FBN2: variants seen among roughly 807,000 people sequenced by gnomAD.
FBN2 encodes the protein fibrillin-2.
Under a neutral mutation model 355.6 loss-of-function variants are expected in FBN2, and 105 were observed. The ratio of observed to expected loss-of-function variants is 0.30; its 90% CI spans 0.25 to 0.35. The LOEUF (loss-of-function observed/expected upper bound fraction) is 0.35. Among genes scored for constraint, FBN2 ranks in the 10% least tolerant of loss-of-function variants. The probability of loss-of-function intolerance (pLI) is 1.00; values close to 1 mark genes in which losing one functional copy is unlikely to be tolerated. For missense variants in FBN2, 3,280 were observed against 3,758.7 expected (o/e 0.87, Z 3.33); for synonymous variants, 1,350 against 1,301.2 (o/e 1.04, Z -0.81).
At chr5:128,424,248 T>C (rs994253842) in intron 7 of FBN2, among the ~76,000 whole-genome samples, 2 of 152,110 alleles carry the variant, frequency 1.3e-5, no homozygotes, top group East Asian at 1.9e-4. Context: ...TTCAGTAAGA[T>C]AAAAAATGCA....
chr5:128,493,387 G>A (rs1388586828), intron 5 of FBN2, among the ~76,000 whole-genome samples: 1 of 152,102 alleles, frequency 6.6e-6, no homozygotes, highest in Non-Finnish European at 1.5e-5. Context: ...TTATGAGAGA[G>A]AAAAGATAAT....
chr5:128,441,520 A>G (rs373404971), intron 7 of FBN2, among the ~76,000 whole-genome samples: 1 of 152,232 alleles, frequency 6.6e-6, no homozygotes, highest in South Asian at 2.1e-4. Context: ...AGTTAATAAT[A>G]GTAACTAACC....
At position 128,537,967 on chromosome 5, in the gene FBN2, G is replaced by A. The variant is rs567129378; in HGVS notation, c.-364C>T. On this transcript the variant is annotated 5_prime_UTR_variant, in exon 1 of 65. Transcript: ENST00000262464. ...CCTGGCGTAAAATTTCAAAAAATGT[G>A]AACCTCAAAAGAAAAAAGGGCCTGC... 2.7e-5 allele frequency: 9 copies of A among 327,936 alleles called. No individual in the cohort carries two copies. Among genetic ancestry groups the A allele is most frequent in the Non-Finnish European group, 4.4e-5 (8 of 179,888 alleles). The allele number at this position is 327,936 out of a possible 1,614,324, so 20.3% of individuals were successfully genotyped here.
intron 42 of FBN2, 37 bp downstream of exon 42, chr5:128,307,098 A>C: frequency 1.6e-6 from 2 of 1,253,570 alleles, no homozygotes; most frequent in Non-Finnish European, 2.3e-6. Context: ...AATGCTACAC[A>C]TATGTATTAA....
At chr5:128,446,739 A>G in intron 6 of FBN2, 133 bp from the exon 7 acceptor site, 2 of 791,290 alleles carry the variant, frequency 2.5e-6, no homozygotes, top group Non-Finnish European at 4.1e-6. Context: ...GGGTTAGAGA[A>G]GTAAAACACC....
intron 7 of FBN2, among the ~76,000 whole-genome samples, chr5:128,419,738 G>A (rs996919862): frequency 2.6e-5 from 4 of 152,050 alleles, no homozygotes; most frequent in Non-Finnish European, 5.9e-5. Context: ...TGTTGCCCGG[G>A]CTGGAGTGCA....
At chr5:128,363,386 C>T (rs1751689248) in intron 18 of FBN2, among the ~76,000 whole-genome samples, 1 of 152,064 alleles carries the variant, frequency 6.6e-6, no homozygotes, top group Non-Finnish European at 1.5e-5. Flanking sequence ...AGGGGGGTTT[C>T]ACCATGTTGG....
chr5:128,383,922 C>T (rs1752301564), intron 11 of FBN2, among the ~76,000 whole-genome samples: 1 of 152,002 alleles, frequency 6.6e-6, no homozygotes, highest in South Asian at 2.1e-4. Context: ...CTCACACAAT[C>T]CAGCCACTCC....
At chr5:128,265,999 T>G (rs1316857135) in intron 62 of FBN2, among the ~76,000 whole-genome samples, 3 of 152,238 alleles carry the variant, frequency 2.0e-5, no homozygotes, top group Non-Finnish European at 4.4e-5. Context: ...GCTGAAGATA[T>G]TCACACAAGT....
At chr5:128,264,324 A>G (rs979530623) in intron 62 of FBN2, among the ~76,000 whole-genome samples, 26 of 84,524 alleles carry the variant, frequency 3.1e-4, no homozygotes, top group South Asian at 1.8e-3. Flanking sequence ...CTATTTAGTT[A>G]AATCAGTTGA....
At chr5:128,458,446 G>A (rs1327063354) in intron 6 of FBN2, among the ~76,000 whole-genome samples, 1 of 151,362 alleles carries the variant, frequency 6.6e-6, no homozygotes, top group Admixed American at 6.6e-5. Flanking sequence ...ACTCAGCTCT[G>A]GATCAAGTGG....
At chr5:128,435,118 T>C (rs1312027592) in intron 7 of FBN2, among the ~76,000 whole-genome samples, 1 of 152,178 alleles carries the variant, frequency 6.6e-6, no homozygotes, top group African/African-American at 2.4e-5. Context: ...CAAAGTGCAA[T>C]TTCCTGACCA....
intron 5 of FBN2, among the ~76,000 whole-genome samples, chr5:128,516,145 G>A (rs537923549): frequency 1.3e-5 from 2 of 152,208 alleles, no homozygotes; most frequent in African/African-American, 2.4e-5. Flanking sequence ...AGTTTCTACT[G>A]ATAAAACATA....
intron 3 of FBN2, among the ~76,000 whole-genome samples, chr5:128,529,592 G>C (rs190734398): frequency 3.3e-5 from 5 of 152,284 alleles, no homozygotes; most frequent in African/African-American, 1.2e-4. Flanking sequence ...CTCCCAGGTA[G>C]AGGAATTAAG....
At chr5:128,349,896 G>C in intron 22 of FBN2, 59 bp downstream of exon 22, 1 of 1,317,130 alleles carries the variant, frequency 7.6e-7, no homozygotes, top group Non-Finnish European at 1.1e-6. Context: ...GAGAGTGAAT[G>C]TTAATTTTAC....
At chr5:128,443,845 A>G (rs930529605) in intron 7 of FBN2, among the ~76,000 whole-genome samples, 1 of 152,052 alleles carries the variant, frequency 6.6e-6, no homozygotes, top group African/African-American at 2.4e-5. Flanking sequence ...TTTACCTTTG[A>G]TAGTTGATCA....
chr5:128,333,940 C>T (rs1373719517), intron 31 of FBN2, among the ~76,000 whole-genome samples: 2 of 151,270 alleles, frequency 1.3e-5, no homozygotes, highest in Admixed American at 1.3e-4. Context: ...TTATAATCTG[C>T]CCCTTACTGG....
chr5:128,452,814 T>C (rs781121295), intron 6 of FBN2, among the ~76,000 whole-genome samples: 1 of 152,198 alleles, frequency 6.6e-6, no homozygotes, highest in Non-Finnish European at 1.5e-5. Flanking sequence ...GGCTTCTAGT[T>C]AACCCATTAT....
intron 11 of FBN2, among the ~76,000 whole-genome samples, chr5:128,380,378 GCT>G (rs1752199569): frequency 6.6e-6 from 1 of 152,036 alleles, no homozygotes; most frequent in Non-Finnish European, 1.5e-5. Flanking sequence ...TCAACATAAA[GCT>G]CTGTTTGAAG....
Sources: allele counts gnomAD v4.1 joint callset (sites outside exome capture counted in the v4.1 genomes callset), GRCh38; gene constraint gnomAD v4.1.1; transcripts MANE v1.5; gene names NCBI Gene and HGNC (gene_info 2026-07-23, HGNC 2026-07-21).